XKR6: variants seen among roughly 807,000 people sequenced by gnomAD.
XKR6 encodes the protein XK related 6.
Under a neutral mutation model 56.7 loss-of-function variants are expected in XKR6, and 22 were observed. The observed-to-expected ratio is 0.39, with a 90% CI of 0.28 to 0.55. XKR6 has a LOEUF of 0.55. Ranked by LOEUF, XKR6 falls within the 20% of genes least tolerant of loss-of-function variation. The pLI is 0.66. For synonymous variants in XKR6, 524 were observed against 387.8 expected, an observed-to-expected ratio of 1.35 and a Z score of -4.13; for missense variants, 852 against 889.0, an observed-to-expected ratio of 0.96 and a Z score of 0.53.
chr8:11,054,474 G>T lies in XKR6; in HGVS notation c.765-129644C>A, dbSNP rs551978853. On this transcript the variant is annotated intron_variant, in intron 1 of 2. Transcript: ENST00000416569. ...GGGGAGGGGTGCCATTTACGTTGTA[G>T]ATCAACTTATCTGAGAGTGCATGGG... is the stretch of plus-strand genomic sequence containing the variant. Among the ~76,000 whole-genome samples the T allele has an allele frequency of 2.2e-4, 33 of 152,328 alleles. No homozygotes were observed. In the South Asian group the frequency reaches 2.9e-3, roughly 13 times the overall value.
At chr8:11,007,097 CTTG>C (rs1247830545) in intron 1 of XKR6, among the ~76,000 whole-genome samples, 1 of 152,142 alleles carries the variant, frequency 6.6e-6, no homozygotes, top group Admixed American at 6.5e-5. Context: ...AAAAAAAAGT[CTTG>C]TTGTATCTGT....
At chr8:11,114,003 G>C in intron 1 of XKR6, 1 of 395,862 alleles carries the variant, frequency 2.5e-6, no homozygotes, top group Non-Finnish European at 4.9e-6. Flanking sequence ...GTGGTTTCAG[G>C]ACGAGGCGAT....
At chr8:10,941,180 C>T (rs1240866795) in intron 1 of XKR6, among the ~76,000 whole-genome samples, 3 of 152,206 alleles carry the variant, frequency 2.0e-5, no homozygotes, top group Admixed American at 2.0e-4. Flanking sequence ...CCTGTCCTTC[C>T]TCCGGGTTCA....
intron 1 of XKR6, among the ~76,000 whole-genome samples, chr8:11,011,168 C>T (rs1014182832): frequency 4.6e-5 from 7 of 152,232 alleles, no homozygotes; most frequent in East Asian, 1.9e-4. Flanking sequence ...CCTTTCCCTA[C>T]ATCACTGTCC....
intron 1 of XKR6, among the ~76,000 whole-genome samples, chr8:11,099,877 G>C (rs1186004104): frequency 6.6e-6 from 1 of 152,144 alleles, no homozygotes; most frequent in Non-Finnish European, 1.5e-5. Context: ...CCCTCTCTGC[G>C]GAGGAGACAA....
chr8:11,113,543 T>C (rs1040909882), intron 1 of XKR6, among the ~76,000 whole-genome samples: 6 of 152,046 alleles, frequency 3.9e-5, no homozygotes, highest in South Asian at 2.1e-4. Flanking sequence ...AACACACACA[T>C]ACATAAAACA....
intron 1 of XKR6, among the ~76,000 whole-genome samples, chr8:11,097,329 A>G (rs1406787671): frequency 6.6e-6 from 1 of 152,228 alleles, no homozygotes; most frequent in Non-Finnish European, 1.5e-5. Flanking sequence ...CTGCAGCCAG[A>G]GTTGGTACAA....
chr8:11,168,202 G>C (rs968982318), intron 1 of XKR6, among the ~76,000 whole-genome samples: 79 of 152,288 alleles, frequency 5.2e-4, no homozygotes, highest in African/African-American at 1.9e-3. Flanking sequence ...GAAATTAACT[G>C]ACAGAACATG....
intron 1 of XKR6, among the ~76,000 whole-genome samples, chr8:11,046,973 G>A (rs558029269): frequency 6.6e-6 from 1 of 152,258 alleles, no homozygotes; most frequent in African/African-American, 2.4e-5. Context: ...AGAGGAGGAC[G>A]GTGAGTGCCA....
intron 2 of XKR6, among the ~76,000 whole-genome samples, chr8:10,918,109 G>A (rs542097775): frequency 6.6e-6 from 1 of 152,292 alleles, no homozygotes; most frequent in African/African-American, 2.4e-5. Flanking sequence ...TTTGACCTCT[G>A]GGTCAGGATA....
At chr8:11,157,653 C>G (rs1801586580) in intron 1 of XKR6, among the ~76,000 whole-genome samples, 1 of 152,068 alleles carries the variant, frequency 6.6e-6, no homozygotes, top group African/African-American at 2.4e-5. Context: ...TTAGCTAGGG[C>G]TATAGGTGCA....
intron 1 of XKR6, among the ~76,000 whole-genome samples, chr8:11,061,497 A>G (rs985018726): frequency 6.6e-6 from 1 of 152,154 alleles, no homozygotes; most frequent in Non-Finnish European, 1.5e-5. Context: ...GAACCAGTAA[A>G]AATGGGAACA....
At chr8:11,088,182 A>G (rs1175388202) in intron 1 of XKR6, among the ~76,000 whole-genome samples, 1 of 152,194 alleles carries the variant, frequency 6.6e-6, no homozygotes, top group Non-Finnish European at 1.5e-5. Context: ...ATATCAGAAG[A>G]CCACTGCAAA....
At chr8:11,154,400 A>G (rs1449065199) in intron 1 of XKR6, among the ~76,000 whole-genome samples, 1 of 152,244 alleles carries the variant, frequency 6.6e-6, no homozygotes, top group East Asian at 1.9e-4. Context: ...CCCAGCCTCC[A>G]TGGAAGAGGA....
chr8:11,040,720 G>C (rs776874276), intron 1 of XKR6, among the ~76,000 whole-genome samples: 53 of 152,150 alleles, frequency 3.5e-4, no homozygotes, highest in Non-Finnish European at 2.6e-4. Context: ...CCATCACTGG[G>C]CTGCACCTTC....
intron 2 of XKR6, among the ~76,000 whole-genome samples, chr8:10,902,772 G>T (rs1349048127): frequency 6.6e-6 from 1 of 152,244 alleles, no homozygotes; most frequent in Non-Finnish European, 1.5e-5. Context: ...GGGAGTGGGT[G>T]TACAGGCCTC....
intron 2 of XKR6, among the ~76,000 whole-genome samples, chr8:10,921,352 T>C (rs1800710434): frequency 6.6e-6 from 1 of 152,172 alleles, no homozygotes; most frequent in African/African-American, 2.4e-5. Flanking sequence ...TCCTGAAGGA[T>C]AGGCGTCTTT....
intron 1 of XKR6, among the ~76,000 whole-genome samples, chr8:10,973,116 G>C (rs1010227496): frequency 1.6e-4 from 25 of 152,212 alleles, no homozygotes; most frequent in African/African-American, 5.8e-4. Flanking sequence ...AATGTTCCCT[G>C]AGAACACGCA....
At chr8:11,058,132 A>T (rs1030004135) in intron 1 of XKR6, among the ~76,000 whole-genome samples, 1 of 152,218 alleles carries the variant, frequency 6.6e-6, no homozygotes, top group African/African-American at 2.4e-5. Context: ...GCCAGCACCC[A>T]GCGTGACCCA....
Sources: allele counts gnomAD v4.1 joint callset (sites outside exome capture counted in the v4.1 genomes callset), GRCh38; gene constraint gnomAD v4.1.1; transcripts MANE v1.5; gene names NCBI Gene and HGNC (gene_info 2026-07-23, HGNC 2026-07-21).